Variants in SCN8A observed in about 807,000 individuals in gnomAD.
The protein encoded by SCN8A is sodium voltage-gated channel alpha subunit 8.
A neutral mutation model predicts 184.1 loss-of-function variants in SCN8A; 30 were observed. The ratio of observed to expected loss-of-function variants is 0.16; its 90% CI spans 0.12 to 0.22. SCN8A has a LOEUF of 0.22. SCN8A is among the 10% of genes least tolerant of loss of function. The pLI is 1.00. For missense variants in SCN8A, 1,057 were observed against 2,498.9 expected (o/e 0.42, Z 12.30); for synonymous variants, 852 against 907.0 (o/e 0.94, Z 1.09).
intron 17 of SCN8A, among the ~76,000 whole-genome samples, chr12:51,769,544 CT>C (rs1475713841): frequency 6.6e-6 from 1 of 152,180 alleles, no homozygotes; most frequent in Non-Finnish European, 1.5e-5. Context: ...ACCTGTGTCA[CT>C]TCTGGATCAT....
chr12:51,602,214 A>G (rs1939482286), intron 1 of SCN8A, among the ~76,000 whole-genome samples: 1 of 152,164 alleles, frequency 6.6e-6, no homozygotes, highest in Admixed American at 6.5e-5. Context: ...AATGTTTGAG[A>G]TTATGGATAT....
At chr12:51,761,828 G>A (rs1372690295) in intron 14 of SCN8A, among the ~76,000 whole-genome samples, 4 of 151,850 alleles carry the variant, frequency 2.6e-5, no homozygotes, top group African/African-American at 7.3e-5. Flanking sequence ...GTGAGAGTTG[G>A]GAGAACCGTG....
intron 2 of SCN8A, 108 bp downstream of exon 2, chr12:51,663,201 A>G: frequency 7.6e-7 from 1 of 1,309,386 alleles, no homozygotes; most frequent in Admixed American, 2.1e-5. Flanking sequence ...TAAGTAGTTA[A>G]CCTTTTGTTT....
Position 51,768,958 on chromosome 12 carries a change from A to G in SCN8A, c.2995A>G (p.Ile999Val). 2 of 1,612,170 alleles carry G rather than the reference A, an allele frequency of 1.2e-6. No individual in the cohort carries two copies. Among genetic ancestry groups the G allele is most frequent in the Non-Finnish European group, 1.7e-6 (2 of 1,178,258 alleles). Residue 999 changes from isoleucine to valine, a missense_variant, in exon 17 of 27, where the codon ATC becomes GTC. Transcript: ENST00000627620. ...CGATGGGGAAATGAACAACCTCCAG[A>G]TCTCAGTGATCCGTATCAAGAAGGG... is the stretch of plus-strand genomic sequence containing the variant. ...DDDGEMNNLQ[I>V]SVIRIKKGVA...
chr12:51,666,369 T>C (rs1941033653), intron 2 of SCN8A, among the ~76,000 whole-genome samples: 1 of 152,206 alleles, frequency 6.6e-6, no homozygotes, highest in Admixed American at 6.5e-5. Context: ...TATACAAATG[T>C]CTTTAACTTA....
chr12:51,672,600 C>T (rs1308848374), intron 2 of SCN8A, among the ~76,000 whole-genome samples: 2 of 152,150 alleles, frequency 1.3e-5, no homozygotes, highest in Non-Finnish European at 2.9e-5. Flanking sequence ...CTGACTCTAG[C>T]CTAGCCTAGA....
chr12:51,643,311 G>A (rs1565870863), intron 1 of SCN8A, among the ~76,000 whole-genome samples: 1 of 152,148 alleles, frequency 6.6e-6, no homozygotes, highest in Non-Finnish European at 1.5e-5. Context: ...CTTCGAGTTC[G>A]AGTCTCGCTT....
chr12:51,653,857 G>A lies in SCN8A; in HGVS notation c.-54-8907G>A, dbSNP rs145878143. Among the ~76,000 whole-genome samples, 493 of 152,244 alleles carry A rather than the reference G, an allele frequency of 3.2e-3. 4 individuals are homozygous for A. The highest frequency in any genetic ancestry group is 0.011 in the African/African-American group (466 of 41,536). The stretch of plus-strand genomic sequence containing the variant: ...ATTTTCTGTGTGTATGTGTTTTTAG[G>A]TAAGAAATTTTGTTTGTGTTTTAAT... On this transcript the variant is annotated intron_variant, in intron 1 of 26. Transcript: ENST00000627620.
rs923938885 is a variant in SCN8A, at chr12:51,751,411, T to A, written c.2188T>A (p.Phe730Ile). The A allele has an allele frequency of 6.2e-7, 1 of 1,613,950 alleles. No homozygotes were observed. ...ATGCTGGTATAAATTTGCCAACACT[T>A]TCCTCATCTGGGAGTGCCACCCCTA... ...PPCWYKFANT[F>I]LIWECHPYWI... The change falls in exon 14 of 27, where the codon TTC becomes ATC. Residue 730 changes from phenylalanine (F) to isoleucine (I), a missense_variant. By Grantham distance (21) the Phe-to-Ile change is conservative. Coordinates refer to ENST00000627620, the MANE Select transcript of SCN8A (RefSeq NM_001330260.2).
At chr12:51,709,031 A>G (rs1414221230) in intron 11 of SCN8A, among the ~76,000 whole-genome samples, 1 of 152,240 alleles carries the variant, frequency 6.6e-6, no homozygotes, top group East Asian at 1.9e-4. Flanking sequence ...GCACAGATCT[A>G]TCCCAACATG....
intron 16 of SCN8A, 134 bp downstream of exon 16, chr12:51,766,161 A>G (rs1338142407): frequency 1.3e-6 from 1 of 763,960 alleles, no homozygotes; most frequent in African/African-American, 1.7e-5. Context: ...TTCTTGGCCC[A>G]GAAACCCTAA....
intron 19 of SCN8A, among the ~76,000 whole-genome samples, chr12:51,773,554 TG>T (rs1942962383): frequency 6.6e-6 from 1 of 152,250 alleles, no homozygotes. Context: ...CATATGCTTC[TG>T]GTAGGAATGT....
intron 21 of SCN8A, among the ~76,000 whole-genome samples, chr12:51,783,179 C>G (rs958833929): frequency 3.3e-5 from 5 of 152,164 alleles, no homozygotes; most frequent in African/African-American, 1.2e-4. Context: ...TGTGGGTTTC[C>G]TAGCCCTTCT....
At chr12:51,775,883 C>T (rs1350351514) in intron 20 of SCN8A, among the ~76,000 whole-genome samples, 1 of 152,178 alleles carries the variant, frequency 6.6e-6, no homozygotes, top group Admixed American at 6.5e-5. Context: ...ACACGTTCTT[C>T]TCTTTTCCCT....
intron 3 of SCN8A, among the ~76,000 whole-genome samples, chr12:51,684,561 G>A (rs991742272): frequency 6.6e-6 from 1 of 152,100 alleles, no homozygotes. Flanking sequence ...CTTTGTTGAA[G>A]TCTTAACTTT....
At chr12:51,635,869 A>G (rs1313479452) in intron 1 of SCN8A, among the ~76,000 whole-genome samples, 1 of 152,182 alleles carries the variant, frequency 6.6e-6, no homozygotes, top group African/African-American at 2.4e-5. Flanking sequence ...TTTTTAACAT[A>G]CGTATAGAAA....
chr12:51,762,762 A>G (rs1320684758), intron 15 of SCN8A, 86 bp downstream of exon 15: 1 of 1,228,582 alleles, frequency 8.1e-7, no homozygotes, highest in Admixed American at 3.3e-5. Flanking sequence ...TTGATGATTT[A>G]AAAAATATAT....
chr12:51,663,552 A>C (rs998645373), intron 2 of SCN8A, among the ~76,000 whole-genome samples: 3 of 152,214 alleles, frequency 2.0e-5, no homozygotes, highest in Non-Finnish European at 4.4e-5. Flanking sequence ...TGCTGGGGAC[A>C]GGAATAAAAC....
At chr12:51,764,165 A>C (rs7963772) in intron 15 of SCN8A, among the ~76,000 whole-genome samples, 132,449 of 152,216 alleles carry the variant, frequency 0.87, 57,845 homozygotes, top group East Asian at 0.98. Flanking sequence ...CCTGGTAAAT[A>C]TTGAACTCTC....
Sources: allele counts gnomAD v4.1 joint callset (sites outside exome capture counted in the v4.1 genomes callset), GRCh38; gene constraint gnomAD v4.1.1; transcripts MANE v1.5; gene names NCBI Gene and HGNC (gene_info 2026-07-23, HGNC 2026-07-21).